The following IGF1R variants were observed in gnomAD, a reference collection of about 807,000 sequenced individuals.
IGF1R encodes the protein insulin-like growth factor 1 receptor.
Under a neutral mutation model 144.6 loss-of-function variants are expected in IGF1R, and 44 were observed. That is an observed-to-expected ratio of 0.30 (90% CI 0.24 to 0.39). The LOEUF is 0.39. Ranked by LOEUF, IGF1R falls within the 10% of genes least tolerant of loss-of-function variation. IGF1R has a pLI of 1.00. For synonymous variants in IGF1R, 795 were observed against 722.8 expected, an observed-to-expected ratio of 1.10 and a Z score of -1.60; for missense variants, 1,355 against 1,833.7, an observed-to-expected ratio of 0.74 and a Z score of 4.77.
intron 2 of IGF1R, among the ~76,000 whole-genome samples, chr15:98,874,753 C>T (rs2012967731): frequency 6.6e-6 from 1 of 152,232 alleles, no homozygotes; most frequent in African/African-American, 2.4e-5. Context: ...AAGATGCTCC[C>T]TGGCTCCAGC....
chr15:98,932,437 C>T (rs1414103382), intron 15 of IGF1R, among the ~76,000 whole-genome samples: 1 of 152,122 alleles, frequency 6.6e-6, no homozygotes, highest in Non-Finnish European at 1.5e-5. Context: ...TGCACAGAAA[C>T]CGCTCCTGGC....
intron 1 of IGF1R, among the ~76,000 whole-genome samples, chr15:98,686,834 T>G (rs4497667): frequency 1.1e-4 from 17 of 152,072 alleles, no homozygotes; most frequent in Admixed American, 8.5e-4. Flanking sequence ...TCACTCCTGG[T>G]GAATTTTTAA....
At position 98,913,087 on chromosome 15, in the gene IGF1R, G is replaced by A. The variant is rs376022845; in HGVS notation, c.1633G>A (p.Gly545Ser). The A allele has an allele frequency of 7.8e-5, 126 of 1,614,036 alleles. No individual in the cohort carries two copies. The highest frequency in any genetic ancestry group is 9.9e-5 in the Non-Finnish European group (117 of 1,180,012). Residue 545 changes from glycine (G) to serine (S), a missense_variant, in exon 8 of 21, where the codon GGC (glycine) becomes AGC (serine). Transcript: ENST00000650285. ...AGAGTATGATGGGCAGGATGCCTGCGGCTCCAACAGCTGGAACATGGTGGA... is the reference window on the plus strand; with the variant it reads ...AGAGTATGATGGGCAGGATGCCTGCAGCTCCAACAGCTGGAACATGGTGGA... ...VTEYDGQDACGSNSWNMVDVD... is the reference protein window; with the variant it reads ...VTEYDGQDACSSNSWNMVDVD...
At chr15:98,650,789 C>T in intron 1 of IGF1R, 1 of 602,050 alleles carries the variant, frequency 1.7e-6, no homozygotes, top group Non-Finnish European at 2.1e-6. Flanking sequence ...TCTTCTGCCG[C>T]CCCGCACTTC....
chr15:98,661,982 T>A (rs921481279), intron 1 of IGF1R, among the ~76,000 whole-genome samples: 1 of 101,330 alleles, frequency 9.9e-6, no homozygotes, highest in Non-Finnish European at 2.0e-5. Flanking sequence ...TTTTTTTTTT[T>A]GAGACAGTCT....
chr15:98,674,977 ATTTTT>A (rs71149408), intron 1 of IGF1R, among the ~76,000 whole-genome samples: 4 of 98,892 alleles, frequency 4.0e-5, no homozygotes, highest in East Asian at 3.0e-4. Flanking sequence ...GTATTTTACA[ATTTTT>A]TTTTTTTTTT....
intron 2 of IGF1R, among the ~76,000 whole-genome samples, chr15:98,888,438 A>AGAGAGAGTGTGTGTGTGTGTGTGT (rs1555457179): frequency 4.9e-5 from 7 of 143,354 alleles, no homozygotes; most frequent in African/African-American, 1.8e-4. Context: ...AGAGAGAGAG[A>AGAGAGAGTGTGTGTGTGTGTGTGT]GTGTGTGTGT....
rs114711099 is a variant in IGF1R at position 98,905,533 on chromosome 15, G to A, written c.1248-3152G>A. Among the ~76,000 whole-genome samples, 818 of 151,964 alleles carry A rather than the reference G, an allele frequency of 5.4e-3. 10 individuals carry two copies. Among genetic ancestry groups the A allele is most frequent in the African/African-American group, 0.018 (754 of 41,450 alleles). On this transcript the variant is annotated intron_variant, in intron 5 of 20. Coordinates refer to ENST00000650285, the MANE Select transcript of IGF1R (RefSeq NM_000875.5). ...AGAAAAATTAACCAAGCATGGTGGG[G>A]CATACCTATGGTCCCAGCTACTTGG...
At chr15:98,668,008 AAC>A (rs1357054236) in intron 1 of IGF1R, among the ~76,000 whole-genome samples, 1 of 152,130 alleles carries the variant, frequency 6.6e-6, no homozygotes, top group Non-Finnish European at 1.5e-5. Context: ...TGAGGGCTAA[AAC>A]CACAGACTTA....
chr15:98,842,337 G>T (rs976045167), intron 2 of IGF1R, among the ~76,000 whole-genome samples: 3 of 152,178 alleles, frequency 2.0e-5, no homozygotes, highest in Non-Finnish European at 4.4e-5. Context: ...ACAATCTGTT[G>T]TCCTATAGAG....
chr15:98,657,211 G>T (rs975241578), intron 1 of IGF1R, among the ~76,000 whole-genome samples: 2 of 152,158 alleles, frequency 1.3e-5, no homozygotes, highest in African/African-American at 4.8e-5. Flanking sequence ...GAAGTCTAAT[G>T]GTAATTAGGG....
intron 2 of IGF1R, among the ~76,000 whole-genome samples, chr15:98,818,754 CT>C (rs377173875): frequency 9.9e-5 from 15 of 151,482 alleles, no homozygotes; most frequent in African/African-American, 3.2e-4. Flanking sequence ...ACCCCGCCCC[CT>C]AGTCATGACA....
chr15:98,804,741 T>G (rs1220670866), intron 2 of IGF1R, among the ~76,000 whole-genome samples: 1 of 152,194 alleles, frequency 6.6e-6, no homozygotes, highest in East Asian at 1.9e-4. Flanking sequence ...AGATGGAGTT[T>G]CGCTGGAGTG....
At chr15:98,762,041 G>A (rs2055312543) in intron 2 of IGF1R, among the ~76,000 whole-genome samples, 1 of 152,056 alleles carries the variant, frequency 6.6e-6, no homozygotes, top group Non-Finnish European at 1.5e-5. Context: ...TCCCTGTTTG[G>A]GGGCCTGTAT....
intron 2 of IGF1R, among the ~76,000 whole-genome samples, chr15:98,871,048 A>G (rs1053840974): frequency 6.6e-6 from 1 of 152,234 alleles, no homozygotes; most frequent in African/African-American, 2.4e-5. Context: ...GCGCGCATGC[A>G]CAAAGCCAGT....
At chr15:98,940,756 G>A (rs914511707) in intron 18 of IGF1R, among the ~76,000 whole-genome samples, 1 of 152,170 alleles carries the variant, frequency 6.6e-6, no homozygotes, top group Admixed American at 6.5e-5. Flanking sequence ...CTCTGTAGGA[G>A]CTAGAGGTAT....
intron 3 of IGF1R, among the ~76,000 whole-genome samples, chr15:98,895,221 A>G (rs1435128620): frequency 1.0e-5 from 1 of 100,392 alleles, no homozygotes; most frequent in Non-Finnish European, 1.9e-5. Flanking sequence ...GTGACACAGC[A>G]CCACACACAC....
At chr15:98,666,851 G>C (rs2052754828) in intron 1 of IGF1R, among the ~76,000 whole-genome samples, 2 of 152,112 alleles carry the variant, frequency 1.3e-5, no homozygotes, top group Non-Finnish European at 2.9e-5. Context: ...TTGTGAATCA[G>C]TGTCAGTGAA....
At chr15:98,894,919 G>C (rs1296163935) in intron 3 of IGF1R, among the ~76,000 whole-genome samples, 4 of 152,044 alleles carry the variant, frequency 2.6e-5, no homozygotes, top group South Asian at 2.1e-4. Context: ...TACTCAGGAG[G>C]CTGAGGCAGG....
Sources: allele counts gnomAD v4.1 joint callset (sites outside exome capture counted in the v4.1 genomes callset), GRCh38; gene constraint gnomAD v4.1.1; transcripts MANE v1.5; gene names NCBI Gene and HGNC (gene_info 2026-07-23, HGNC 2026-07-21).